The following ADAMTSL3 variants were observed in gnomAD, a reference collection of about 807,000 sequenced individuals.
The protein encoded by ADAMTSL3 is ADAMTS like 3, also known as ADAMTS-like protein 3.
In ADAMTSL3, 128 loss-of-function variants were observed where a neutral mutation model predicts 201.7. That is an observed-to-expected ratio of 0.63 (90% CI 0.55 to 0.73). The LOEUF (loss-of-function observed/expected upper bound fraction) is 0.73, where lower values mean the gene tolerates loss of function less well. Ranked by LOEUF, ADAMTSL3 falls within the 30% of genes least tolerant of loss-of-function variation. The probability of loss-of-function intolerance (pLI) is 0.00; values close to 1 mark genes in which losing one functional copy is unlikely to be tolerated. For synonymous variants in ADAMTSL3, 738 were observed against 748.4 expected (o/e 0.99, Z 0.23); for missense variants, 1,990 against 2,119.6 (o/e 0.94, Z 1.20).
At chr15:83,714,872 CCCTCCCTTCCTTCCTT>C (rs1395609909) in intron 3 of ADAMTSL3, among the ~76,000 whole-genome samples, 2 of 10,440 alleles carry the variant, frequency 1.9e-4, no homozygotes, top group African/African-American at 1.1e-3. Flanking sequence ...CTCCCTCCCT[CCCTCCCTTCCTTCCTT>C]CCTTCCTTCC....
chr15:84,012,505 ACTC>A (rs1368408084), intron 23 of ADAMTSL3, among the ~76,000 whole-genome samples: 1 of 151,426 alleles, frequency 6.6e-6, no homozygotes, highest in African/African-American at 2.4e-5. Flanking sequence ...ATCTCTCTGA[ACTC>A]CTCTTCTGCC....
intron 3 of ADAMTSL3, among the ~76,000 whole-genome samples, chr15:83,755,627 G>A (rs2062707333): frequency 6.6e-6 from 1 of 152,176 alleles, no homozygotes; most frequent in Non-Finnish European, 1.5e-5. Flanking sequence ...ATATTCCACT[G>A]CATGTGTACA....
At chr15:83,795,242 A>ACAACAACAACAACAGCAGCAG (rs1341296453) in intron 4 of ADAMTSL3, among the ~76,000 whole-genome samples, 1 of 99,328 alleles carries the variant, frequency 1.0e-5, no homozygotes, top group Non-Finnish European at 1.9e-5. Context: ...TAAAACAACA[A>ACAACAACAACAACAGCAGCAG]CAACAACAAC....
intron 7 of ADAMTSL3, among the ~76,000 whole-genome samples, chr15:83,847,175 A>T (rs2064515616): frequency 6.6e-6 from 1 of 152,348 alleles, no homozygotes; most frequent in South Asian, 2.1e-4. Context: ...TTCAGTTTGC[A>T]GCCGATTGTT....
intron 3 of ADAMTSL3, among the ~76,000 whole-genome samples, chr15:83,707,791 A>G (rs1396983187): frequency 6.6e-6 from 1 of 152,224 alleles, no homozygotes; most frequent in East Asian, 1.9e-4. Flanking sequence ...CCAACATAAT[A>G]TAGGGTTTAA....
intron 6 of ADAMTSL3, among the ~76,000 whole-genome samples, chr15:83,831,861 A>G (rs1000658945): frequency 1.3e-5 from 2 of 152,190 alleles, no homozygotes; most frequent in African/African-American, 2.4e-5. Flanking sequence ...CTGAAACTTA[A>G]GCTTCATTAA....
chr15:83,851,834 C>A (rs1481149653), intron 7 of ADAMTSL3, among the ~76,000 whole-genome samples: 2 of 152,058 alleles, frequency 1.3e-5, no homozygotes, highest in African/African-American at 4.8e-5. Context: ...GTTTTTTAAA[C>A]TTACAAAAAC....
chr15:83,928,476 T>TA (rs1475860286), intron 17 of ADAMTSL3, among the ~76,000 whole-genome samples: 4 of 152,176 alleles, frequency 2.6e-5, no homozygotes, highest in Admixed American at 6.5e-5. Context: ...AAGTAACAAC[T>TA]AAAACAGAGA....
intron 3 of ADAMTSL3, among the ~76,000 whole-genome samples, chr15:83,748,534 C>G (rs2062584996): frequency 6.6e-6 from 1 of 151,204 alleles, no homozygotes; most frequent in African/African-American, 2.4e-5. Context: ...ACTTGTAGTC[C>G]CAGCCAGTTG....
chr15:84,027,451 G>A (rs558265816), intron 27 of ADAMTSL3, among the ~76,000 whole-genome samples: 49 of 152,312 alleles, frequency 3.2e-4, no homozygotes, highest in African/African-American at 1.0e-3. Flanking sequence ...GAGGCCGGGC[G>A]CGGTGACTCA....
intron 3 of ADAMTSL3, among the ~76,000 whole-genome samples, chr15:83,741,426 T>C (rs1422235250): frequency 6.6e-6 from 1 of 151,928 alleles, no homozygotes; most frequent in Non-Finnish European, 1.5e-5. Flanking sequence ...GTGATGAAAT[T>C]CAACATAGAA....
At chr15:83,896,921 C>T (rs765300298) in intron 13 of ADAMTSL3, among the ~76,000 whole-genome samples, 14 of 152,002 alleles carry the variant, frequency 9.2e-5, no homozygotes, top group African/African-American at 2.4e-4. Flanking sequence ...CAGCGGGAGA[C>T]GGAGAGAGAG....
chr15:84,038,434 G>T lies in ADAMTSL3; in HGVS notation c.*628G>T, dbSNP rs564773886. The T allele has an allele frequency of 6.6e-6, 1 of 152,662 alleles. No homozygotes were observed. Among genetic ancestry groups the T allele is most frequent in the Admixed American group, 6.5e-5 (1 of 15,298 alleles). The allele number at this position is 152,662 out of a possible 1,614,324, so 9.5% of individuals were successfully genotyped here. ...CACCCATGGAAGAAAACACAGAGTA[G>T]ATATTGCTGTCATTTATACAACTAC... On this transcript the variant is annotated 3_prime_UTR_variant, in exon 30 of 30. Coordinates refer to ENST00000286744, the MANE Select transcript of ADAMTSL3 (RefSeq NM_207517.3).
chr15:83,882,629 T>A (rs1326927991), intron 9 of ADAMTSL3, among the ~76,000 whole-genome samples: 1 of 152,182 alleles, frequency 6.6e-6, no homozygotes, highest in Non-Finnish European at 1.5e-5. Flanking sequence ...TTTCATTGAT[T>A]AATGATTGGT....
At chr15:83,963,782 C>T (rs2067023585) in intron 19 of ADAMTSL3, among the ~76,000 whole-genome samples, 1 of 152,100 alleles carries the variant, frequency 6.6e-6, no homozygotes, top group African/African-American at 2.4e-5. Flanking sequence ...TGGCAGGTGC[C>T]CCTCTGGGAT....
intron 19 of ADAMTSL3, among the ~76,000 whole-genome samples, chr15:83,967,252 G>A (rs1056127968): frequency 6.6e-5 from 10 of 152,200 alleles, no homozygotes; most frequent in Non-Finnish European, 1.3e-4. Flanking sequence ...TCTGTTTGCA[G>A]ATGACATAAT....
At chr15:83,833,896 T>G (rs2064209641) in intron 6 of ADAMTSL3, among the ~76,000 whole-genome samples, 1 of 152,184 alleles carries the variant, frequency 6.6e-6, no homozygotes, top group Non-Finnish European at 1.5e-5. Context: ...TTTGTTTTGT[T>G]TTTGTTTTTG....
At chr15:83,822,971 T>C (rs1285165806) in intron 6 of ADAMTSL3, among the ~76,000 whole-genome samples, 7 of 151,794 alleles carry the variant, frequency 4.6e-5, no homozygotes, top group African/African-American at 7.3e-5. Context: ...GGCTGGCGGA[T>C]CACTCGCGGT....
rs2067176669 is a variant in ADAMTSL3 at position 83,970,501 on chromosome 15, T to C, written c.2508T>C (p.Gly836=). 6.2e-7 allele frequency: 1 copy of C among 1,614,162 alleles called. No homozygotes were observed. Among genetic ancestry groups the C allele is most frequent in the Non-Finnish European group, 8.5e-7 (1 of 1,180,018 alleles). ...GDWSKCSVSC[G]VGIQRRKQVC... ...CATTTCAGTGTTCTGTCAGTTGTGG[T>C]GTTGGAATCCAGAGAAGAAAGCAGG... The change falls in exon 20 of 30, where the codon GGT becomes GGC. Residue 836 remains glycine (G), a synonymous_variant. Transcript: ENST00000286744.
Sources: allele counts gnomAD v4.1 joint callset (sites outside exome capture counted in the v4.1 genomes callset), GRCh38; gene constraint gnomAD v4.1.1; transcripts MANE v1.5; gene names NCBI Gene and HGNC (gene_info 2026-07-23, HGNC 2026-07-21).